The following SNTB2 variants were observed in gnomAD, a reference collection of about 807,000 sequenced individuals.
The protein encoded by SNTB2 is syntrophin beta 2, also known as beta-2-syntrophin.
Under a neutral mutation model 46.2 loss-of-function variants are expected in SNTB2, and 34 were observed. The ratio of observed to expected loss-of-function variants is 0.74; its 90% CI spans 0.56 to 0.98. The LOEUF is 0.98. Ranked by LOEUF, SNTB2 falls within the 50% of genes least tolerant of loss-of-function variation. The pLI is 0.00. For synonymous variants in SNTB2, 290 were observed against 312.6 expected, an observed-to-expected ratio of 0.93 and a Z score of 0.76; for missense variants, 603 against 731.4, an observed-to-expected ratio of 0.82 and a Z score of 2.02.
intron 2 of SNTB2, among the ~76,000 whole-genome samples, chr16:69,258,282 A>C (rs528847837): frequency 6.6e-6 from 1 of 152,298 alleles, no homozygotes; most frequent in South Asian, 2.1e-4. Flanking sequence ...TTCACAGCAG[A>C]GTATATATCT....
chr16:69,286,039 G>A (rs540504079), intron 5 of SNTB2, among the ~76,000 whole-genome samples: 34 of 152,166 alleles, frequency 2.2e-4, no homozygotes, highest in Middle Eastern at 3.4e-3. Flanking sequence ...GTGATCCACC[G>A]ACCTCAGGTG....
chr16:69,189,247 T>G (rs1964025797), intron 1 of SNTB2, among the ~76,000 whole-genome samples: 2 of 152,134 alleles, frequency 1.3e-5, no homozygotes, highest in African/African-American at 4.8e-5. Flanking sequence ...GCTCGGAAAT[T>G]AGTGTTAATA....
intron 4 of SNTB2, among the ~76,000 whole-genome samples, chr16:69,281,150 C>T (rs1965039185): frequency 6.6e-6 from 1 of 151,870 alleles, no homozygotes; most frequent in Admixed American, 6.6e-5. Flanking sequence ...TAATGAAGTC[C>T]AACTTACCAA....
At chr16:69,262,864 T>TG (rs1373211415) in intron 3 of SNTB2, among the ~76,000 whole-genome samples, 1 of 151,760 alleles carries the variant, frequency 6.6e-6, no homozygotes, top group African/African-American at 2.4e-5. Flanking sequence ...TTAGTAGAGA[T>TG]GGGGCTTCAC....
At chr16:69,246,026 T>C (rs571324299) in intron 2 of SNTB2, among the ~76,000 whole-genome samples, 22 of 152,314 alleles carry the variant, frequency 1.4e-4, no homozygotes, top group African/African-American at 5.1e-4. Context: ...CAAGAAACTG[T>C]TAATGGCTTT....
chr16:69,270,372 G>C, intron 4 of SNTB2, 87 bp downstream of exon 4: 1 of 1,510,200 alleles, frequency 6.6e-7, no homozygotes, highest in Non-Finnish European at 9.0e-7. Context: ...GTTATCTTAG[G>C]TGCCTAAAAG....
intron 4 of SNTB2, among the ~76,000 whole-genome samples, chr16:69,282,152 G>A (rs986836339): frequency 2.7e-5 from 4 of 149,372 alleles, no homozygotes; most frequent in African/African-American, 9.8e-5. Context: ...TGATCCGCCC[G>A]CCTTGGCCTC....
At chr16:69,216,562 A>G (rs1424902897) in intron 1 of SNTB2, among the ~76,000 whole-genome samples, 4 of 151,630 alleles carry the variant, frequency 2.6e-5, no homozygotes, top group Admixed American at 2.6e-4. Context: ...GTGTGCACCT[A>G]TAGTTTCAGC....
In SNTB2 at chr16:69,245,596, T is replaced by G; in HGVS notation, c.581-6T>G. The G allele has an allele frequency of 6.2e-7, 1 of 1,613,602 alleles. No homozygotes were observed. Among genetic ancestry groups the G allele is most frequent in the Non-Finnish European group, 8.5e-7 (1 of 1,179,642 alleles). On this transcript the variant is annotated splice_region_variant and splice_polypyrimidine_tract_variant and intron_variant, in intron 1 of 6. Transcript: ENST00000336278. ...TAACCTTCTTCTTTGATTTTTTTGT[T>G]CATAGTCAAGTTCATCCGAGAAGTA...
intron 4 of SNTB2, among the ~76,000 whole-genome samples, chr16:69,280,653 G>A (rs919342110): frequency 1.3e-5 from 2 of 152,226 alleles, no homozygotes; most frequent in South Asian, 4.1e-4. Flanking sequence ...TCACTTCCCA[G>A]TAGGGGCGGC....
chr16:69,264,453 A>C (rs892100141), intron 3 of SNTB2, among the ~76,000 whole-genome samples: 2 of 152,228 alleles, frequency 1.3e-5, no homozygotes, highest in Non-Finnish European at 2.9e-5. Context: ...AGGAAGAGTA[A>C]AGAGGTTGCA....
chr16:69,281,383 C>A (rs1222748679), intron 4 of SNTB2, among the ~76,000 whole-genome samples: 2 of 152,008 alleles, frequency 1.3e-5, no homozygotes, highest in African/African-American at 2.4e-5. Context: ...AGGCGTCCAC[C>A]ACCATCCCAG....
At chr16:69,284,332 TG>T in intron 5 of SNTB2, 88 bp downstream of exon 5, 1 of 1,112,356 alleles carries the variant, frequency 9.0e-7, no homozygotes. Context: ...CAGTCAGTGA[TG>T]GATTGCATAC....
chr16:69,259,941 T>A (rs1469421675), intron 2 of SNTB2, 109 bp from the exon 3 acceptor site: 3 of 868,378 alleles, frequency 3.5e-6, no homozygotes, highest in African/African-American at 1.7e-5. Flanking sequence ...TATACAAATT[T>A]ATTTGAAGAA....
At chr16:69,242,756 T>C in intron 1 of SNTB2, among the ~76,000 whole-genome samples, 1 of 152,170 alleles carries the variant, frequency 6.6e-6, no homozygotes, top group East Asian at 1.9e-4. Context: ...GCATAGTGGC[T>C]CAAGCCTGTT....
chr16:69,196,297 A>T (rs1236787643), intron 1 of SNTB2, among the ~76,000 whole-genome samples: 1 of 152,092 alleles, frequency 6.6e-6, no homozygotes, highest in Non-Finnish European at 1.5e-5. Flanking sequence ...AAGGAATCAA[A>T]ATAGATAATA....
intron 5 of SNTB2, among the ~76,000 whole-genome samples, chr16:69,294,522 G>A (rs1965204296): frequency 1.3e-5 from 2 of 151,418 alleles, no homozygotes; most frequent in South Asian, 4.2e-4. Context: ...TCAGGAGTTT[G>A]AGACCATCCT....
chr16:69,300,621 C>G (rs1032708304), intron 6 of SNTB2, among the ~76,000 whole-genome samples: 1 of 152,202 alleles, frequency 6.6e-6, no homozygotes. Context: ...CACCAGTTGT[C>G]TCCTAATTGG....
intron 2 of SNTB2, among the ~76,000 whole-genome samples, chr16:69,253,148 C>T (rs914899870): frequency 6.6e-6 from 1 of 151,284 alleles, no homozygotes; most frequent in African/African-American, 2.4e-5. Context: ...ATCCACCCAC[C>T]TTGGCCTCCC....
Sources: gnomAD v4.1 joint callset for allele counts (sites outside exome capture counted in the v4.1 genomes callset) on GRCh38, gnomAD v4.1.1 for gene constraint, MANE v1.5 for transcripts, NCBI Gene and HGNC (gene_info 2026-07-23, HGNC 2026-07-21) for gene names.